Variants in COL5A1 observed in about 807,000 individuals in gnomAD.
COL5A1 encodes collagen type V alpha 1 chain.
COL5A1 carries 16 observed loss-of-function variants against 263.7 expected under a neutral mutation model. The observed-to-expected ratio is 0.06, with a 90% CI of 0.04 to 0.09. The LOEUF (loss-of-function observed/expected upper bound fraction) is 0.09. COL5A1 is among the 10% of genes least tolerant of loss of function. The probability of loss-of-function intolerance (pLI) is 1.00; values close to 1 mark genes in which losing one functional copy is unlikely to be tolerated. For missense variants in COL5A1, 2,036 were observed against 2,540.5 expected (o/e 0.80, Z 4.27); for synonymous variants, 1,012 against 1,004.5 (o/e 1.01, Z -0.14).
At chr9:134,812,324 A>G (rs973760924) in intron 46 of COL5A1, 125 bp from the exon 47 acceptor site, 9 of 948,756 alleles carry the variant, frequency 9.5e-6, no homozygotes, top group Middle Eastern at 2.6e-4. Flanking sequence ...CTATGCACAG[A>G]GAAGCACCTT....
At chr9:134,797,462 GTC>G (rs778054611) in intron 36 of COL5A1, among the ~76,000 whole-genome samples, 86 of 150,680 alleles carry the variant, frequency 5.7e-4, no homozygotes, top group Non-Finnish European at 1.1e-3. Context: ...TTCCGTCTGT[GTC>G]TCTCTGTCTT....
rs948524063 is a variant in COL5A1 at position 134,652,263 on chromosome 9, T to C, written c.109+9967T>C. Reference sequence around the variant, plus strand: ...AGCAGTGGAGATACTCAGCTGAAGGTTGAGAACACACAGGGCGTCCTTGGG... The same window carrying C: ...AGCAGTGGAGATACTCAGCTGAAGGCTGAGAACACACAGGGCGTCCTTGGG... On this transcript the variant is annotated intron_variant, in intron 1 of 65. Coordinates refer to ENST00000371817, the MANE Select transcript of COL5A1 (RefSeq NM_000093.5). This position sits in a 1 kb window ranked among gnomAD's most constrained non-coding sequence, Gnocchi z 4.4. Among the ~76,000 whole-genome samples the C allele has an allele frequency of 1.3e-5, 2 of 152,050 alleles. No individual in the cohort carries two copies. Among genetic ancestry groups the C allele is most frequent in the Non-Finnish European group, 2.9e-5 (2 of 67,986 alleles).
chr9:134,832,576 C>A (rs1056591875), intron 64 of COL5A1, among the ~76,000 whole-genome samples: 1 of 152,190 alleles, frequency 6.6e-6, no homozygotes, highest in Non-Finnish European at 1.5e-5. Flanking sequence ...GCCCCGGGCC[C>A]CCCTGCTGCC....
At chr9:134,763,060 G>A (rs997300918) in intron 19 of COL5A1, among the ~76,000 whole-genome samples, 1 of 152,142 alleles carries the variant, frequency 6.6e-6, no homozygotes, top group African/African-American at 2.4e-5. Flanking sequence ...TGTGAGCATG[G>A]CTGTGTATGC....
chr9:134,752,371 C>A (rs1835812831), intron 13 of COL5A1, among the ~76,000 whole-genome samples: 1 of 149,366 alleles, frequency 6.7e-6, no homozygotes, highest in African/African-American at 2.5e-5. Flanking sequence ...GCTTGCACCT[C>A]TGCATGTCCC....
At chr9:134,649,106 G>T (rs556976406) in intron 1 of COL5A1, among the ~76,000 whole-genome samples, 2 of 152,026 alleles carry the variant, frequency 1.3e-5, no homozygotes, top group Non-Finnish European at 2.9e-5. Flanking sequence ...GTGTGGGGGG[G>T]GCTTTGCCAT....
chr9:134,659,029 C>A (rs1202552259), intron 1 of COL5A1, among the ~76,000 whole-genome samples: 1 of 152,172 alleles, frequency 6.6e-6, no homozygotes, highest in African/African-American at 2.4e-5. Flanking sequence ...CAGGAGGTGT[C>A]ATCCCATTTT....
chr9:134,838,349 G>C (rs7048955), intron 65 of COL5A1, among the ~76,000 whole-genome samples: 105,972 of 152,126 alleles, frequency 0.7, 37,853 homozygotes, highest in African/African-American at 0.85. Flanking sequence ...GAACTAAGGT[G>C]TGAAGGGAGC....
At chr9:134,828,983 C>T (rs1334781344) in intron 63 of COL5A1, among the ~76,000 whole-genome samples, 2 of 151,180 alleles carry the variant, frequency 1.3e-5, no homozygotes, top group African/African-American at 2.5e-5. Flanking sequence ...GACATACCCC[C>T]CACACCATGC....
chr9:134,649,507 G>A (rs749058099), intron 1 of COL5A1: 4 of 471,148 alleles, frequency 8.5e-6, no homozygotes, highest in Admixed American at 4.7e-5. Context: ...CCGTGTTCTT[G>A]TAGGGAAATT....
intron 18 of COL5A1, among the ~76,000 whole-genome samples, chr9:134,759,542 C>T (rs1302046828): frequency 3.3e-5 from 3 of 90,892 alleles, no homozygotes; most frequent in Admixed American, 2.8e-4. Context: ...ACCACACATG[C>T]GCACACACAC....
rs907783645 is a variant in COL5A1 at position 134,841,900 on chromosome 9, G to C, written c.5371-257G>C. On this transcript the variant is annotated intron_variant, in intron 65 of 65. Coordinates refer to ENST00000371817, the MANE Select transcript of COL5A1 (RefSeq NM_000093.5). The surrounding 1 kb of genome is among the most constrained non-coding windows in gnomAD (Gnocchi z 4.8). ...CAGCCACCCCTGAAGCCTTGGGAGG[G>C]TCCTGTCGCCTCGCTGATGCCCACA... Among the ~76,000 whole-genome samples the C allele has an allele frequency of 1.3e-5, 2 of 152,132 alleles. No homozygotes were observed. The highest frequency in any genetic ancestry group is 4.8e-5 in the African/African-American group (2 of 41,426).
rs2132864006 is a variant in COL5A1 at position 134,818,681 on chromosome 9, C to T, written c.4256C>T (p.Pro1419Leu). 1 of 1,609,204 alleles carries T rather than the reference C, an allele frequency of 6.2e-7. No homozygotes were observed. The highest frequency in any genetic ancestry group is 1.3e-5 in the African/African-American group (1 of 74,928). The change falls in exon 55 of 66, where the codon CCT (proline) becomes CTT (leucine). Residue 1419 changes from proline to leucine, a missense_variant. By Grantham distance (98) the Pro-to-Leu change is moderately conservative. Transcript: ENST00000371817. This position sits in a 1 kb window ranked among gnomAD's most constrained non-coding sequence, Gnocchi z 6.0. ...AKGEAGLEGP[P>L]GKTGPIGPQG... is the part of the protein sequence containing the mutation. ...GGAGAAGCCGGCTTGGAAGGCCCTC[C>T]TGGGAAGACTGGCCCCATCGGCCCC...
chr9:134,750,939 C>T (rs1835755496), intron 13 of COL5A1, 57 bp downstream of exon 13: 5 of 1,447,370 alleles, frequency 3.5e-6, no homozygotes, highest in Non-Finnish European at 4.8e-6. Flanking sequence ...CCCCAGGGGC[C>T]AACAGGAGTG....
Position 134,738,353 on chromosome 9 carries a change from G to A in COL5A1, c.1390-121G>A, listed in dbSNP as rs1049031826. The A allele has an allele frequency of 1.6e-5, 18 of 1,105,644 alleles. No individual in the cohort carries two copies. In the African/African-American group the frequency reaches 2.3e-4, roughly 14 times the overall value. 68.5% of individuals were successfully genotyped at this position (1,105,644 alleles called of 1,614,324 possible). On this transcript the variant is annotated intron_variant, in intron 9 of 65. Transcript: ENST00000371817. ...GCAGTCTGTGCTCGTGACTCCCCAG[G>A]ACAGCAGGAGCTGAGCCAGGGCCTC...
intron 23 of COL5A1, 33 bp downstream of exon 23, chr9:134,767,086 A>G: frequency 6.2e-7 from 1 of 1,609,098 alleles, no homozygotes; most frequent in Non-Finnish European, 8.5e-7. Flanking sequence ...GCTCGCAGGG[A>G]TCCGGCCGTG....
rs1834249652 is a variant in COL5A1, at chr9:134,716,021, G to A, written c.655-11245G>A. 6.6e-6 allele frequency among the ~76,000 whole-genome samples: 1 copy of A among 151,812 alleles called. No individual in the cohort carries two copies. The highest frequency in any genetic ancestry group is 2.4e-5 in the African/African-American group (1 of 41,322). ...TGGTGGTGGTGATGATGTTAGTAGT[G>A]TGTTGGTTCTATGGTTTTGGTGCTG... is the stretch of plus-strand genomic sequence containing the variant. On this transcript the variant is annotated intron_variant, in intron 4 of 65. Transcript: ENST00000371817. The surrounding 1 kb of genome is among the most constrained non-coding windows in gnomAD (Gnocchi z 4.5).
intron 28 of COL5A1, 103 bp downstream of exon 28, chr9:134,780,249 T>A (rs1554798460): frequency 8.9e-7 from 1 of 1,128,104 alleles, no homozygotes; most frequent in Non-Finnish European, 1.4e-6. Context: ...CCAGCTGAGG[T>A]GGATGTCGCC....
At chr9:134,831,317 A>G (rs534083706) in intron 64 of COL5A1, among the ~76,000 whole-genome samples, 3 of 152,146 alleles carry the variant, frequency 2.0e-5, no homozygotes, top group African/African-American at 4.8e-5. Context: ...CTTTGCAGAC[A>G]CTCCGAGGGT....
Sources: gnomAD v4.1 joint callset for allele counts (sites outside exome capture counted in the v4.1 genomes callset) on GRCh38, gnomAD v4.1.1 for gene constraint, Gnocchi (gnomAD v3.1) non-coding constraint, MANE v1.5 for transcripts, NCBI Gene and HGNC (gene_info 2026-07-23, HGNC 2026-07-21) for gene names.